TBC1D22A: variants seen among roughly 807,000 people sequenced by gnomAD.
TBC1D22A encodes TBC1 domain family member 22A.
In TBC1D22A, 38 loss-of-function variants were observed where a neutral mutation model predicts 60.2. The observed-to-expected ratio is 0.63, with a 90% CI of 0.49 to 0.83. The LOEUF (loss-of-function observed/expected upper bound fraction) is 0.83. Among genes scored for constraint, TBC1D22A ranks in the 40% least tolerant of loss-of-function variants. TBC1D22A has a pLI of 0.00. For synonymous variants in TBC1D22A, 302 were observed against 281.7 expected (o/e 1.07, Z -0.72); for missense variants, 628 against 701.0 (o/e 0.90, Z 1.18).
chr22:47,084,434 C>T (rs2064597560), intron 11 of TBC1D22A, among the ~76,000 whole-genome samples: 3 of 152,294 alleles, frequency 2.0e-5, no homozygotes, highest in Admixed American at 2.0e-4. Flanking sequence ...ATTCATGAGT[C>T]TCATTCCTGA....
intron 11 of TBC1D22A, among the ~76,000 whole-genome samples, 185 bp downstream of exon 11, chr22:47,037,383 A>G (rs1028129954): frequency 5.3e-5 from 8 of 152,158 alleles, no homozygotes; most frequent in African/African-American, 1.9e-4. Context: ...TAATCCTAGC[A>G]CTTTGGGAGG....
chr22:47,121,121 A>G (rs1341483902), intron 12 of TBC1D22A, among the ~76,000 whole-genome samples: 1 of 152,262 alleles, frequency 6.6e-6, no homozygotes, highest in Non-Finnish European at 1.5e-5. Context: ...CCACATGAGA[A>G]TTTATGTAGC....
intron 12 of TBC1D22A, among the ~76,000 whole-genome samples, chr22:47,160,632 G>C (rs890218999): frequency 6.6e-6 from 1 of 152,234 alleles, no homozygotes; most frequent in African/African-American, 2.4e-5. Context: ...GGTCTTCGCT[G>C]GAGCCGTGCC....
Position 47,041,882 on chromosome 22 carries a change from T to TGA in TBC1D22A, c.1329+4687_1329+4688dup, listed in dbSNP as rs1177091843. Among the ~76,000 whole-genome samples the TGA allele has an allele frequency of 4.6e-5, 7 of 152,368 alleles. No individual in the cohort carries two copies. In the East Asian group the frequency reaches 1.2e-3, roughly 25 times the overall value. On this transcript the variant is annotated intron_variant, in intron 11 of 12. Transcript: ENST00000337137. ...GACAGCGGGCGTGGCCGTGTCCCTG[T>TGA]GAGACTTGCCTACCGAGGCACCAGC...
chr22:46,870,822 T>C (rs1457188137), intron 4 of TBC1D22A, among the ~76,000 whole-genome samples: 5 of 152,160 alleles, frequency 3.3e-5, no homozygotes, highest in Non-Finnish European at 7.3e-5. Context: ...GGGAGCCCTT[T>C]TATAATGACC....
At chr22:47,102,779 G>A (rs1044501962) in intron 11 of TBC1D22A, among the ~76,000 whole-genome samples, 15 of 152,112 alleles carry the variant, frequency 9.9e-5, no homozygotes, top group Non-Finnish European at 1.9e-4. Flanking sequence ...AGGGCTGGCT[G>A]GGGGCTGACC....
rs568192312 is a variant in TBC1D22A at position 46,780,970 on chromosome 22, A to G, written c.63-11550A>G. 2.6e-5 allele frequency among the ~76,000 whole-genome samples: 4 copies of G among 152,168 alleles called. No homozygotes were observed. In the South Asian group the frequency reaches 8.3e-4, roughly 32 times the overall value. On this transcript the variant is annotated intron_variant, in intron 1 of 12. Transcript: ENST00000337137. ...TTTAAGCTTTTCTGAATCATGTTGT[A>G]AAGACAGCTCTGGGCACAGTCCTGA...
At chr22:46,802,716 A>G (rs569148608) in intron 4 of TBC1D22A, among the ~76,000 whole-genome samples, 11 of 152,238 alleles carry the variant, frequency 7.2e-5, no homozygotes, top group African/African-American at 2.6e-4. Flanking sequence ...AGAGCCGATG[A>G]CTGCTTCTGA....
chr22:46,968,718 A>C (rs1364442298), intron 8 of TBC1D22A, among the ~76,000 whole-genome samples: 1 of 152,154 alleles, frequency 6.6e-6, no homozygotes, highest in East Asian at 1.9e-4. Context: ...CATCCATCCC[A>C]CTGTTTCTTT....
intron 5 of TBC1D22A, among the ~76,000 whole-genome samples, chr22:46,889,568 T>A (rs1354047039): frequency 6.6e-6 from 1 of 152,148 alleles, no homozygotes; most frequent in Admixed American, 6.5e-5. Flanking sequence ...TGCAGGAATA[T>A]AACAAACCCC....
At chr22:46,996,335 C>T (rs974315824) in intron 9 of TBC1D22A, among the ~76,000 whole-genome samples, 2 of 152,262 alleles carry the variant, frequency 1.3e-5, no homozygotes, top group South Asian at 4.1e-4. Flanking sequence ...CTGCCACAGG[C>T]AGTCATCTCC....
At chr22:46,904,142 T>TCTGCCTGCCTAC (rs369598619) in intron 7 of TBC1D22A, among the ~76,000 whole-genome samples, 3 of 134,500 alleles carry the variant, frequency 2.2e-5, no homozygotes, top group Non-Finnish European at 3.2e-5. Flanking sequence ...TATCTATCTA[T>TCTGCCTGCCTAC]CTACCTACCT....
Position 47,128,488 on chromosome 22 carries a change from G to A in TBC1D22A, c.1425+16885G>A, listed in dbSNP as rs547256703. On this transcript the variant is annotated intron_variant, in intron 12 of 12. Coordinates refer to ENST00000337137, the MANE Select transcript of TBC1D22A (RefSeq NM_014346.5). ...CCTGAGTGGCATCTTCCAGGGAGAG[G>A]TCTGGGCAGCTTGCTGATCCCAGGT... 1.8e-4 allele frequency among the ~76,000 whole-genome samples: 26 copies of A among 146,928 alleles called. No individual in the cohort carries two copies. The East Asian group carries it at 3.1e-3, about 18-fold the overall frequency.
At chr22:46,828,851 G>A (rs1246713955) in intron 4 of TBC1D22A, among the ~76,000 whole-genome samples, 5 of 152,182 alleles carry the variant, frequency 3.3e-5, no homozygotes, top group East Asian at 1.9e-4. Flanking sequence ...ACGCCCTCAC[G>A]TTGAGCGCTC....
intron 10 of TBC1D22A, among the ~76,000 whole-genome samples, chr22:47,007,034 A>G (rs905407473): frequency 2.5e-4 from 38 of 152,180 alleles, no homozygotes; most frequent in Non-Finnish European, 5.6e-4. Flanking sequence ...ACTCTGTGCC[A>G]TGTGCTCGAT....
chr22:46,903,339 C>T lies in TBC1D22A; in HGVS notation c.900+8493C>T, dbSNP rs113414954. 6.8e-4 allele frequency among the ~76,000 whole-genome samples: 104 copies of T among 152,278 alleles called. 1 individual carries two copies. Among genetic ancestry groups the T allele is most frequent in the African/African-American group, 7.9e-4 (33 of 41,552 alleles). On this transcript the variant is annotated intron_variant, in intron 7 of 12. Coordinates refer to ENST00000337137, the MANE Select transcript of TBC1D22A (RefSeq NM_014346.5). ...TTCAGCCTGCGGGGGCGTCTGTACTCGGGGAAGCTGTGGACCAGGCATGGA... is the reference window on the plus strand; with the variant it reads ...TTCAGCCTGCGGGGGCGTCTGTACTTGGGGAAGCTGTGGACCAGGCATGGA...
At chr22:47,160,406 G>A (rs1410971598) in intron 12 of TBC1D22A, among the ~76,000 whole-genome samples, 2 of 152,352 alleles carry the variant, frequency 1.3e-5, no homozygotes, top group Admixed American at 6.5e-5. Context: ...CCGCCTGGGA[G>A]AAGGGAACGT....
At position 46,819,481 on chromosome 22, in the gene TBC1D22A, A is replaced by G. The variant is rs865898624; in HGVS notation, c.637+21861A>G. 9.8e-5 allele frequency among the ~76,000 whole-genome samples: 15 copies of G among 152,304 alleles called. No homozygotes were observed. The South Asian group carries it at 2.1e-3, about 21-fold the overall frequency. ...GAATTTTATCAAAGGCCTTTTCTGT[A>G]TCTGTTGAGATAATCGTGGTTTTTT... On this transcript the variant is annotated intron_variant, in intron 4 of 12. Transcript: ENST00000337137.
chr22:47,015,135 G>A (rs939355619), intron 10 of TBC1D22A, among the ~76,000 whole-genome samples: 2 of 152,244 alleles, frequency 1.3e-5, no homozygotes, highest in East Asian at 1.9e-4. Flanking sequence ...CAGAGCCACC[G>A]TCGGAGTCAC....
Sources: allele counts gnomAD v4.1 joint callset (sites outside exome capture counted in the v4.1 genomes callset), GRCh38; gene constraint gnomAD v4.1.1; transcripts MANE v1.5; gene names NCBI Gene and HGNC (gene_info 2026-07-23, HGNC 2026-07-21).